WDPCP: variants seen among roughly 807,000 people sequenced by gnomAD.
WDPCP encodes the protein WD repeat-containing and planar cell polarity effector protein fritz homolog.
A neutral mutation model predicts 93.1 loss-of-function variants in WDPCP; 71 were observed. The observed-to-expected ratio is 0.76, with a 90% CI of 0.63 to 0.93. The LOEUF (loss-of-function observed/expected upper bound fraction) is 0.93, where lower values mean the gene tolerates loss of function less well. WDPCP is among the 40% of genes least tolerant of loss of function. WDPCP has a pLI of 0.00. For missense variants in WDPCP, 844 were observed against 887.4 expected (o/e 0.95, Z 0.62); for synonymous variants, 315 against 315.0 (o/e 1.00, Z 0.00).
At chr2:63,170,339 C>G (rs1467771681) in intron 15 of WDPCP, among the ~76,000 whole-genome samples, 1 of 151,000 alleles carries the variant, frequency 6.6e-6, no homozygotes, top group Non-Finnish European at 1.5e-5. Flanking sequence ...ATGGTGCAAT[C>G]TCAGCTCACT....
chr2:63,405,537 G>GTT (rs1272170155), intron 9 of WDPCP, among the ~76,000 whole-genome samples: 1 of 47,968 alleles, frequency 2.1e-5, no homozygotes, highest in Non-Finnish European at 4.1e-5. Context: ...GGTATAGTGT[G>GTT]TGTGTGTGTG....
At chr2:63,651,321 A>G (rs909737958) in intron 2 of WDPCP, among the ~76,000 whole-genome samples, 2 of 152,216 alleles carry the variant, frequency 1.3e-5, no homozygotes, top group Non-Finnish European at 2.9e-5. Context: ...TGAAATTATA[A>G]AAATAAAGGT....
chr2:63,343,122 T>C (rs1688959269), intron 12 of WDPCP, among the ~76,000 whole-genome samples: 1 of 152,152 alleles, frequency 6.6e-6, no homozygotes, highest in Non-Finnish European at 1.5e-5. Context: ...TGCCTCAGCC[T>C]TCCGAGTAGC....
intron 2 of WDPCP, among the ~76,000 whole-genome samples, chr2:63,723,110 A>G (rs1669450228): frequency 6.6e-6 from 1 of 151,618 alleles, no homozygotes; most frequent in Non-Finnish European, 1.5e-5. Flanking sequence ...AGTCATCACC[A>G]CTCCCTAATC....
chr2:63,689,957 G>A (rs959045330), intron 2 of WDPCP, among the ~76,000 whole-genome samples: 43 of 152,164 alleles, frequency 2.8e-4, no homozygotes, highest in African/African-American at 1.0e-3. Flanking sequence ...ACTTCAAAGA[G>A]GAGCTAAGAC....
chr2:63,132,907 T>C (rs1406242215), intron 17 of WDPCP, among the ~76,000 whole-genome samples: 4 of 152,204 alleles, frequency 2.6e-5, no homozygotes, highest in Non-Finnish European at 4.4e-5. Flanking sequence ...TTTCCGTTTC[T>C]TTTTATGCAT....
intron 2 of WDPCP, among the ~76,000 whole-genome samples, chr2:63,712,762 AGT>A (rs1361657399): frequency 1.3e-5 from 2 of 152,132 alleles, no homozygotes; most frequent in Non-Finnish European, 2.9e-5. Context: ...GACCCCCTGT[AGT>A]GTGTTCTCAT....
chr2:63,187,656 A>G (rs1674736541), intron 14 of WDPCP, among the ~76,000 whole-genome samples: 1 of 152,150 alleles, frequency 6.6e-6, no homozygotes, highest in Non-Finnish European at 1.5e-5. Context: ...CCTGTTATAT[A>G]TATTGTGTAC....
At chr2:63,828,757 T>C (rs1671151118), upstream of WDPCP, among the ~76,000 whole-genome samples, 1 of 152,168 alleles carries the variant, frequency 6.6e-6, no homozygotes, top group African/African-American at 2.4e-5. Flanking sequence ...TTGCTTTGTC[T>C]TCTTCCTATT....
intron 1 of WDPCP, chr2:63,519,356 A>G (rs1478215643): frequency 6.6e-6 from 1 of 152,258 alleles, no homozygotes; most frequent in Non-Finnish European, 1.5e-5. Context: ...CCACTGTTGC[A>G]AATGCCCACA....
At chr2:63,777,516 A>G (rs1412343892) in intron 2 of WDPCP, among the ~76,000 whole-genome samples, 3 of 152,226 alleles carry the variant, frequency 2.0e-5, no homozygotes, top group Admixed American at 1.3e-4. Flanking sequence ...GAAACAACCC[A>G]AATGTCTATC....
At position 63,142,879 on chromosome 2, in the gene WDPCP, T is replaced by C. The variant is rs1486352303; in HGVS notation, c.2190+10035A>G. 3.3e-5 allele frequency among the ~76,000 whole-genome samples: 5 copies of C among 149,406 alleles called. No homozygotes were observed. In the East Asian group the frequency reaches 1.0e-3, roughly 31 times the overall value. On this transcript the variant is annotated intron_variant, in intron 17 of 17. Transcript: ENST00000272321. ...ACATATATATACACACATACATATA[T>C]ACACATACATATATACACACATACA... is the stretch of plus-strand genomic sequence containing the variant.
intron 10 of WDPCP, among the ~76,000 whole-genome samples, chr2:63,401,436 C>T (rs9749870): frequency 6.6e-6 from 1 of 151,964 alleles, no homozygotes; most frequent in African/African-American, 2.4e-5. Context: ...CAAATCAAAA[C>T]CACAATGAGA....
At chr2:63,141,165 G>A (rs1246928633) in intron 17 of WDPCP, among the ~76,000 whole-genome samples, 3 of 151,482 alleles carry the variant, frequency 2.0e-5, no homozygotes, top group African/African-American at 7.3e-5. Context: ...TGCAACCTCC[G>A]CCTCCTGGGT....
At chr2:63,704,467 G>C (rs1043943267) in intron 2 of WDPCP, among the ~76,000 whole-genome samples, 11 of 152,122 alleles carry the variant, frequency 7.2e-5, no homozygotes, top group African/African-American at 2.7e-4. Flanking sequence ...TTTGAGATAC[G>C]TCCCATCAAT....
chr2:63,214,003 C>A (rs1249030330), intron 14 of WDPCP, among the ~76,000 whole-genome samples: 2 of 152,148 alleles, frequency 1.3e-5, no homozygotes. Flanking sequence ...CAAAAGAACT[C>A]CAGGACCAGA....
chr2:63,568,673 T>C (rs1440688567), intron 1 of WDPCP, among the ~76,000 whole-genome samples: 1 of 152,184 alleles, frequency 6.6e-6, no homozygotes, highest in Admixed American at 6.5e-5. Flanking sequence ...CATTTTGTAT[T>C]TGTCCCGACT....
intron 2 of WDPCP, among the ~76,000 whole-genome samples, chr2:63,675,494 C>T (rs1035985177): frequency 3.3e-5 from 5 of 152,122 alleles, no homozygotes; most frequent in South Asian, 2.1e-4. Context: ...AACTGCTGTT[C>T]AAGCTCTCTC....
At chr2:63,531,596 A>G (rs1703855214) in intron 1 of WDPCP, among the ~76,000 whole-genome samples, 1 of 152,222 alleles carries the variant, frequency 6.6e-6, no homozygotes, top group Non-Finnish European at 1.5e-5. Context: ...GACCTCCAGC[A>G]AACTCCAACA....
Sources: allele counts gnomAD v4.1 joint callset (sites outside exome capture counted in the v4.1 genomes callset), GRCh38; gene constraint gnomAD v4.1.1; transcripts MANE v1.5; gene names NCBI Gene and HGNC (gene_info 2026-07-23, HGNC 2026-07-21).